Variants in CD99L2 observed in about 807,000 individuals in gnomAD.
CD99L2 encodes the protein CD99 molecule like 2.
In CD99L2, 24 loss-of-function variants were observed where a neutral mutation model predicts 27.3. The ratio of observed to expected loss-of-function variants is 0.88; its 90% confidence interval spans 0.64 to 1.24. The LOEUF is 1.24. CD99L2 is among the 50% of genes most tolerant of loss of function. CD99L2 has a pLI of 0.00. For synonymous variants in CD99L2, 97 were observed against 87.9 expected, an observed-to-expected ratio of 1.10 and a Z score of -0.58; for missense variants, 255 against 221.6, an observed-to-expected ratio of 1.15 and a Z score of -0.96.
Position 150,872,056 on chromosome X carries a change from C to A in CD99L2, c.67+26466G>T, listed in dbSNP as rs782098357. Among the ~76,000 whole-genome samples the A allele has an allele frequency of 3.6e-5, 4 of 110,530 alleles. No homozygotes were observed. In the East Asian group the frequency reaches 1.2e-3, roughly 32 times the overall value. Reference sequence around the variant, plus strand: ...GACAAGCCTGGGCAATGTAGGGAGACCCTGTCTCTACAAAAAAGTTAAAAA... The same window carrying A: ...GACAAGCCTGGGCAATGTAGGGAGAACCTGTCTCTACAAAAAAGTTAAAAA... On this transcript the variant is annotated intron_variant, in intron 1 of 10. Coordinates refer to ENST00000370377, the MANE Select transcript of CD99L2 (RefSeq NM_031462.4).
intron 1 of CD99L2, among the ~76,000 whole-genome samples, chrX:150,839,646 T>C (rs192672366): frequency 5.6e-4 from 62 of 110,741 alleles, no homozygotes; most frequent in African/African-American, 1.9e-3. Flanking sequence ...AGCGGGAGAA[T>C]TGCTTGAGCC....
chrX:150,769,293 ACAGG>A (rs782079317), intron 10 of CD99L2, among the ~76,000 whole-genome samples, 192 bp from the exon 11 acceptor site: 2 of 112,043 alleles, frequency 1.8e-5, no homozygotes, highest in Non-Finnish European at 3.8e-5. Context: ...AGAAAGCTGG[ACAGG>A]CTCTGGAAAC....
chrX:150,807,198 A>G (rs1253182308), intron 4 of CD99L2, among the ~76,000 whole-genome samples: 2 of 110,893 alleles, frequency 1.8e-5, no homozygotes, highest in Non-Finnish European at 3.8e-5. Context: ...AGATTTTTTA[A>G]TCTAATCTTC....
intron 1 of CD99L2, among the ~76,000 whole-genome samples, chrX:150,845,307 T>G (rs1483747435): frequency 8.9e-6 from 1 of 111,810 alleles, no homozygotes; most frequent in Non-Finnish European, 1.9e-5. Flanking sequence ...CTAAAGGGCA[T>G]GGGGTTTCTT....
intron 1 of CD99L2, among the ~76,000 whole-genome samples, chrX:150,893,189 G>A (rs1169147225): frequency 1.8e-5 from 2 of 112,235 alleles, no homozygotes; most frequent in Non-Finnish European, 3.8e-5. Flanking sequence ...CAAGGAAAAG[G>A]CTGAAAACCA....
intron 6 of CD99L2, among the ~76,000 whole-genome samples, chrX:150,794,847 G>A (rs894573565): frequency 8.9e-6 from 1 of 112,457 alleles, no homozygotes; most frequent in African/African-American, 3.2e-5. Flanking sequence ...CTGCAAAAAT[G>A]TAACAGCGTG....
intron 1 of CD99L2, among the ~76,000 whole-genome samples, chrX:150,833,869 C>T (rs1029302335): frequency 4.5e-5 from 5 of 111,679 alleles, no homozygotes; most frequent in African/African-American, 1.6e-4. Context: ...TTAGTCTGGG[C>T]AACCATTTCC....
intron 7 of CD99L2, among the ~76,000 whole-genome samples, chrX:150,781,672 A>C (rs782355416): frequency 7.1e-5 from 8 of 111,974 alleles, no homozygotes. Flanking sequence ...AGCTGTATGG[A>C]CTGCCATAAC....
chrX:150,769,522 C>T (rs782721391), intron 10 of CD99L2, among the ~76,000 whole-genome samples: 3 of 112,445 alleles, frequency 2.7e-5, no homozygotes, highest in African/African-American at 9.7e-5. Flanking sequence ...TTTGGTGCAG[C>T]ACTGCCACCC....
At chrX:150,892,607 A>C (rs1334805701) in intron 1 of CD99L2, among the ~76,000 whole-genome samples, 1 of 31,601 alleles carries the variant, frequency 3.2e-5, no homozygotes. Context: ...CTCTGTCTCA[A>C]AAAAAAAAAA....
chrX:150,844,844 C>G (rs782473222), intron 1 of CD99L2, among the ~76,000 whole-genome samples: 6 of 93,282 alleles, frequency 6.4e-5, no homozygotes, highest in African/African-American at 2.2e-4. Context: ...CGGTCACTGA[C>G]AGGGCACCCG....
At chrX:150,787,610 T>G (rs1165993416) in intron 7 of CD99L2, among the ~76,000 whole-genome samples, 1 of 108,790 alleles carries the variant, frequency 9.2e-6, no homozygotes, top group Non-Finnish European at 1.9e-5. Context: ...ATGGATAAAG[T>G]TGGAAACCAT....
chrX:150,782,288 C>G (rs1246449654), intron 7 of CD99L2, among the ~76,000 whole-genome samples: 1 of 111,934 alleles, frequency 8.9e-6, no homozygotes. Context: ...TCAAATACCC[C>G]ATAGTTACCA....
intron 7 of CD99L2, among the ~76,000 whole-genome samples, chrX:150,793,310 C>T (rs893725525): frequency 9.8e-5 from 11 of 112,445 alleles, no homozygotes; most frequent in Middle Eastern, 9.4e-3. Context: ...AAAAAATGCT[C>T]GTCATGATGA....
chrX:150,787,888 GTATATATATATATATATATATATATA>G (rs527795783), intron 7 of CD99L2, among the ~76,000 whole-genome samples: 1 of 63,861 alleles, frequency 1.6e-5, no homozygotes, highest in Non-Finnish European at 3.1e-5. Flanking sequence ...AGAACTTAAA[GTATATATATATATATATATATATATA>G]TATATATATA....
intron 1 of CD99L2, among the ~76,000 whole-genome samples, chrX:150,834,174 C>G (rs1557421135): frequency 8.9e-6 from 1 of 111,816 alleles, no homozygotes; most frequent in Admixed American, 9.5e-5. Flanking sequence ...CTCAATATCT[C>G]TAATCATCAG....
At chrX:150,870,040 A>C (rs1001254969) in intron 1 of CD99L2, among the ~76,000 whole-genome samples, 1 of 111,645 alleles carries the variant, frequency 9.0e-6, no homozygotes, top group African/African-American at 3.3e-5. Context: ...AATTAACTAG[A>C]ATATATGGTA....
chrX:150,794,554 C>A (rs1007087333), intron 6 of CD99L2, among the ~76,000 whole-genome samples: 1 of 112,513 alleles, frequency 8.9e-6, no homozygotes, highest in African/African-American at 3.2e-5. Flanking sequence ...GATAGTCCCA[C>A]GGAACCAAGT....
intron 2 of CD99L2, among the ~76,000 whole-genome samples, chrX:150,831,021 C>G (rs1557421047): frequency 9.0e-6 from 1 of 110,906 alleles, no homozygotes; most frequent in East Asian, 2.8e-4. Flanking sequence ...GTTGGCCAGG[C>G]TGGTCTCGAA....
Sources: allele counts gnomAD v4.1 joint callset (sites outside exome capture counted in the v4.1 genomes callset), GRCh38; gene constraint gnomAD v4.1.1; transcripts MANE v1.5; gene names NCBI Gene and HGNC (gene_info 2026-07-23, HGNC 2026-07-21).